PHACTR1: variants seen among roughly 807,000 people sequenced by gnomAD.
The protein encoded by PHACTR1 is phosphatase and actin regulator 1, also known as RPEL repeat containing 1.
A neutral mutation model predicts 69.2 loss-of-function variants in PHACTR1; 16 were observed. The ratio of observed to expected loss-of-function variants is 0.23; its 90% CI spans 0.16 to 0.35. The LOEUF (loss-of-function observed/expected upper bound fraction) is 0.35. Among genes scored for constraint, PHACTR1 ranks in the 10% least tolerant of loss-of-function variants. The pLI, the probability that PHACTR1 is intolerant of heterozygous loss-of-function variation, is 1.00. For missense variants in PHACTR1, 510 were observed against 734.7 expected (o/e 0.69, Z 3.54); for synonymous variants, 312 against 284.5 (o/e 1.10, Z -0.97).
intron 4 of PHACTR1, among the ~76,000 whole-genome samples, chr6:12,789,555 C>T (rs1561884088): frequency 6.6e-6 from 1 of 152,118 alleles, no homozygotes; most frequent in Non-Finnish European, 1.5e-5. Flanking sequence ...CTTCCAGACT[C>T]TATACTCACA....
At chr6:13,149,875 A>T (rs1263971836) in intron 5 of PHACTR1, among the ~76,000 whole-genome samples, 1 of 146,894 alleles carries the variant, frequency 6.8e-6, no homozygotes, top group African/African-American at 2.5e-5. Flanking sequence ...GTGTTAGTGT[A>T]TTTTATATGT....
chr6:12,791,886 C>T (rs180722639), intron 4 of PHACTR1, among the ~76,000 whole-genome samples: 20 of 152,070 alleles, frequency 1.3e-4, no homozygotes, highest in African/African-American at 3.1e-4. Flanking sequence ...GGAAAGCAGA[C>T]GGTAAATACA....
rs75714180 is a variant in PHACTR1, at chr6:13,217,508, T to G, written c.987-10308T>G. Among the ~76,000 whole-genome samples, 1,413 of 152,300 alleles carry G rather than the reference T, an allele frequency of 9.3e-3. 19 individuals carry two copies. The highest frequency in any genetic ancestry group is 0.03 in the African/African-American group (1,233 of 41,556). ...TCTTGGTCAGACTCTGTGTGTCTTA[T>G]GGTTTTGTTCATCACATCCCAATCC... On this transcript the variant is annotated intron_variant, in intron 8 of 14. Transcript: ENST00000332995.
At chr6:13,053,185 G>A (rs1400481786) in intron 4 of PHACTR1, among the ~76,000 whole-genome samples, 180 bp from the exon 5 acceptor site, 1 of 152,122 alleles carries the variant, frequency 6.6e-6, no homozygotes, top group Non-Finnish European at 1.5e-5. Context: ...CTAGGGGTTG[G>A]CCAACTGTCC....
At chr6:12,891,544 G>A (rs1784172787) in intron 4 of PHACTR1, among the ~76,000 whole-genome samples, 1 of 152,124 alleles carries the variant, frequency 6.6e-6, no homozygotes, top group South Asian at 2.1e-4. Flanking sequence ...CCTTACCAAT[G>A]GCTACTCCAG....
chr6:12,807,264 T>C (rs1774454049), intron 4 of PHACTR1, among the ~76,000 whole-genome samples: 2 of 152,236 alleles, frequency 1.3e-5, no homozygotes, highest in Non-Finnish European at 2.9e-5. Flanking sequence ...TGAATATTAT[T>C]TGGATTATTT....
intron 4 of PHACTR1, among the ~76,000 whole-genome samples, chr6:12,984,927 A>G (rs1795956117): frequency 6.6e-6 from 1 of 152,250 alleles, no homozygotes; most frequent in African/African-American, 2.4e-5. Flanking sequence ...TCTGAGCAAG[A>G]CCAAATGACT....
At position 13,182,705 on chromosome 6, in the gene PHACTR1, T is replaced by C. The variant is rs368581704; in HGVS notation, c.664+19T>C. 145 of 1,507,698 alleles carry C rather than the reference T, an allele frequency of 9.6e-5. No homozygotes were observed. In the African/African-American group the frequency reaches 1.9e-3, roughly 20 times the overall value. The allele number at this position is 1,507,698 out of a possible 1,614,324, so 93.4% of individuals were successfully genotyped here. A position where few individuals can be genotyped will look rare whatever the true frequency, so the allele number is the denominator to read the frequency against. On this transcript the variant is annotated intron_variant, in intron 7 of 14. Transcript: ENST00000332995. The stretch of plus-strand genomic sequence containing the variant: ...GGGCCAGGTAATGCCCCGGCAGGAT[T>C]GTAGAGCAGGTCCCAGACACCAAGT...
At chr6:13,062,299 T>C (rs1465866553) in intron 5 of PHACTR1, among the ~76,000 whole-genome samples, 1 of 152,176 alleles carries the variant, frequency 6.6e-6, no homozygotes, top group African/African-American at 2.4e-5. Context: ...CTGCTATAGG[T>C]TCCACTTATC....
intron 4 of PHACTR1, among the ~76,000 whole-genome samples, chr6:12,854,123 A>T (rs926550739): frequency 6.6e-6 from 1 of 152,206 alleles, no homozygotes; most frequent in Admixed American, 6.5e-5. Context: ...TATGCCATGA[A>T]AAACCTTCAA....
At chr6:13,206,187 AG>A (rs1404868939) in intron 8 of PHACTR1, 51 bp downstream of exon 8, 70 of 1,452,038 alleles carry the variant, frequency 4.8e-5, no homozygotes, top group Non-Finnish European at 5.9e-5. Context: ...TTGGCTGGGG[AG>A]GGGGGCCTAG....
chr6:12,769,742 C>T (rs987187574), intron 4 of PHACTR1, among the ~76,000 whole-genome samples: 1 of 152,164 alleles, frequency 6.6e-6, no homozygotes, highest in Non-Finnish European at 1.5e-5. Context: ...CAGACAGACT[C>T]GGGCTGAGCA....
rs532349177 is a variant in PHACTR1, at chr6:12,816,182, G to A, written c.250+66392G>A. On this transcript the variant is annotated intron_variant, in intron 4 of 14. Coordinates refer to ENST00000332995, the MANE Select transcript of PHACTR1 (RefSeq NM_030948.6). Reference sequence around the variant, plus strand: ...GAGATTCATGAACATTGGCATTAACGTAAAGAAGCTGTTAATGTATCGCCT... The same window carrying A: ...GAGATTCATGAACATTGGCATTAACATAAAGAAGCTGTTAATGTATCGCCT... Among the ~76,000 whole-genome samples, 5 of 152,306 alleles carry A rather than the reference G, an allele frequency of 3.3e-5. No homozygotes were observed. In the South Asian group the frequency reaches 8.3e-4, roughly 25 times the overall value.
intron 4 of PHACTR1, among the ~76,000 whole-genome samples, chr6:12,788,636 A>G (rs1286956225): frequency 2.0e-5 from 3 of 152,248 alleles, no homozygotes; most frequent in Non-Finnish European, 4.4e-5. Flanking sequence ...TAATTTATTT[A>G]AGGATATCCA....
intron 4 of PHACTR1, among the ~76,000 whole-genome samples, chr6:13,003,760 A>G (rs1798377998): frequency 1.3e-5 from 2 of 151,054 alleles, no homozygotes; most frequent in African/African-American, 4.9e-5. Flanking sequence ...CTGAGTCTCT[A>G]GTGTCTATCA....
intron 10 of PHACTR1, chr6:13,253,107 G>C (rs1439261422): frequency 4.4e-6 from 2 of 450,028 alleles, no homozygotes; most frequent in Non-Finnish European, 4.5e-6. Context: ...CCGTCTCCTG[G>C]CTTCTTCCCC....
chr6:13,125,363 TG>T (rs1428847909), intron 5 of PHACTR1, among the ~76,000 whole-genome samples: 1 of 150,780 alleles, frequency 6.6e-6, no homozygotes, highest in African/African-American at 2.5e-5. Context: ...TCTATTGCAC[TG>T]GATTTTTTTT....
intron 4 of PHACTR1, among the ~76,000 whole-genome samples, chr6:12,836,590 T>C (rs1778191335): frequency 6.6e-6 from 1 of 152,142 alleles, no homozygotes; most frequent in South Asian, 2.1e-4. Flanking sequence ...GTAAACTTTA[T>C]TAAATTAATC....
At chr6:12,731,925 G>A (rs1217481729) in intron 3 of PHACTR1, among the ~76,000 whole-genome samples, 1 of 151,860 alleles carries the variant, frequency 6.6e-6, no homozygotes, top group Non-Finnish European at 1.5e-5. Context: ...TGGCAATGGA[G>A]CCATTTTATG....
Sources: gnomAD v4.1 joint callset for allele counts (sites outside exome capture counted in the v4.1 genomes callset) on GRCh38, gnomAD v4.1.1 for gene constraint, MANE v1.5 for transcripts, NCBI Gene and HGNC (gene_info 2026-07-23, HGNC 2026-07-21) for gene names.